The following TEX15 variants were observed in gnomAD, a reference collection of about 807,000 sequenced individuals.
TEX15 encodes testis expressed 15, meiosis and synapsis associated, also known as testis-expressed protein 15.
Under a neutral mutation model 237.3 loss-of-function variants are expected in TEX15, and 171 were observed. The ratio of observed to expected loss-of-function variants is 0.72; its 90% CI spans 0.64 to 0.82. The LOEUF is 0.82. TEX15 is among the 40% of genes least tolerant of loss of function. The probability of loss-of-function intolerance (pLI) is 0.00; values close to 1 mark genes in which losing one functional copy is unlikely to be tolerated. For synonymous variants in TEX15, 1,338 were observed against 1,269.8 expected (o/e 1.05, Z -1.14); for missense variants, 3,750 against 3,646.5 (o/e 1.03, Z -0.73).
chr8:30,895,016 A>C (rs561670929), intron 2 of TEX15, among the ~76,000 whole-genome samples: 1 of 152,266 alleles, frequency 6.6e-6, no homozygotes, highest in African/African-American at 2.4e-5. Context: ...ACTGTGACAA[A>C]GAAATTTCTG....
intron 8 of TEX15, 54 bp downstream of exon 8, chr8:30,841,950 A>T: frequency 7.8e-7 from 1 of 1,290,140 alleles, no homozygotes; most frequent in Non-Finnish European, 1.1e-6. Flanking sequence ...GCTTATGAGT[A>T]GACTTGTTTT....
chr8:30,886,045 A>C (rs7822711), intron 3 of TEX15, among the ~76,000 whole-genome samples: 7,857 of 152,086 alleles, frequency 0.052, 283 homozygotes, highest in Non-Finnish European at 0.082. Context: ...TAGTTCCAAC[A>C]CCTGTGTCAA....
intron 7 of TEX15, among the ~76,000 whole-genome samples, chr8:30,850,849 G>A (rs958539881): frequency 6.6e-6 from 1 of 151,812 alleles, no homozygotes; most frequent in Admixed American, 6.6e-5. Flanking sequence ...CAAAATGCAT[G>A]ATAAACAATA....
intron 8 of TEX15, among the ~76,000 whole-genome samples, chr8:30,840,970 G>C (rs1482343313): frequency 2.6e-5 from 4 of 152,138 alleles, no homozygotes; most frequent in African/African-American, 9.7e-5. Context: ...CCAGCTTGGA[G>C]TACAGTGGTG....
chr8:30,837,265 C>A lies in TEX15; in HGVS notation c.9019G>T (p.Val3007Phe). The A allele has an allele frequency of 6.2e-7, 1 of 1,614,172 alleles. No homozygotes were observed. The highest frequency in any genetic ancestry group is 1.1e-5 in the South Asian group (1 of 91,084). ...TATGTGGCAGCATTCTGCATTAGGACTTTTGAATTTTTGTCATTCTGTTGT... is the reference window on the plus strand; with the variant it reads ...TATGTGGCAGCATTCTGCATTAGGAATTTTGAATTTTTGTCATTCTGTTGT... Reference protein sequence around the residue: ...SEQQNDKNSKVLMQNAATYWN... With the variant: ...SEQQNDKNSKFLMQNAATYWN... Residue 3007 changes from valine (V) to phenylalanine (F), a missense_variant, in exon 10 of 11, where the codon GTC (valine) becomes TTC (phenylalanine). Val to Phe is a conservative substitution (Grantham distance 50). Transcript: ENST00000643185.
Position 30,837,660 on chromosome 8 carries a change from C to T in TEX15, c.8624G>A (p.Cys2875Tyr), listed in dbSNP as rs1807341016. The T allele has an allele frequency of 1.9e-6, 3 of 1,613,854 alleles. No individual in the cohort carries two copies. The East Asian group carries it at 6.7e-5, about 36-fold the overall frequency. ...KNSPDPTQKS[C>Y]LSDINPETDV... is the part of the protein sequence containing the mutation. ...AGTTTCTGGGTTTATATCAGAAAGG[C>T]AGGATTTTTGGGTGGGATCTGGGGA... is the stretch of plus-strand genomic sequence containing the variant. The change falls in exon 10 of 11, where the codon TGC (cysteine) becomes TAC (tyrosine). Residue 2875 changes from cysteine to tyrosine, a missense_variant. Coordinates refer to ENST00000643185, the MANE Select transcript of TEX15 (RefSeq NM_001350162.2).
At chr8:30,902,608 T>G (rs1190279310) in intron 1 of TEX15, among the ~76,000 whole-genome samples, 1 of 152,174 alleles carries the variant, frequency 6.6e-6, no homozygotes, top group Non-Finnish European at 1.5e-5. Context: ...ATATTTATAG[T>G]GAAGTAACAG....
chr8:30,877,371 G>A (rs1170382650), intron 3 of TEX15, among the ~76,000 whole-genome samples: 1 of 152,064 alleles, frequency 6.6e-6, no homozygotes, highest in Non-Finnish European at 1.5e-5. Context: ...GAAGGTTTAA[G>A]GCAACTTCCA....
rs1563237587 is a variant in TEX15, at chr8:30,845,451, A to T, written c.4716T>A (p.Asn1572Lys). The T allele has an allele frequency of 2.5e-6, 4 of 1,612,764 alleles. No individual in the cohort carries two copies. The highest frequency in any genetic ancestry group is 3.4e-6 in the Non-Finnish European group (4 of 1,179,354). ...TAGATAAAAATGCTGTATCAATTTG[A>T]TTTTCTTTTTCTATTAGTTTCTCAT... ...HSDEKLIEKENQIDTAFLSST... is the reference protein window; with the variant it reads ...HSDEKLIEKEKQIDTAFLSST... The change falls in exon 8 of 11, where the codon AAT (asparagine) becomes AAA (lysine). Residue 1572 changes from asparagine to lysine, a missense_variant. Coordinates refer to ENST00000643185, the MANE Select transcript of TEX15 (RefSeq NM_001350162.2).
chr8:30,834,637 A>G (rs1307506382), intron 10 of TEX15, among the ~76,000 whole-genome samples: 1 of 152,194 alleles, frequency 6.6e-6, no homozygotes, highest in Non-Finnish European at 1.5e-5. Flanking sequence ...AAAAAGTACT[A>G]CAGAAGTACG....
chr8:30,892,452 CT>C, intron 2 of TEX15, among the ~76,000 whole-genome samples: 1 of 152,106 alleles, frequency 6.6e-6, no homozygotes, highest in Admixed American at 6.5e-5. Flanking sequence ...CCTCTTTGCA[CT>C]TTTATACACA....
Position 30,842,023 on chromosome 8 carries a change from G to T in TEX15, c.8144C>A (p.Ser2715Tyr). The T allele has an allele frequency of 1.9e-6, 3 of 1,582,526 alleles. No homozygotes were observed. Among genetic ancestry groups the T allele is most frequent in the Non-Finnish European group, 1.7e-6 (2 of 1,169,224 alleles). ...ACATACCTTTAGCTTTTTACAACTG[G>T]AAACAGTAGTATCTTGCTGTTGTTC... The part of the protein sequence containing the change: ...SQEQQQDTTV[S>Y]SCKKLKVDMK... Residue 2715 changes from serine to tyrosine, a missense_variant, in exon 8 of 11, where the codon TCC becomes TAC. Transcript: ENST00000643185.
chr8:30,854,206 AAAAAC>A (rs891242481), intron 7 of TEX15, among the ~76,000 whole-genome samples: 9 of 151,658 alleles, frequency 5.9e-5, no homozygotes, highest in South Asian at 2.1e-4. Flanking sequence ...TGGTTCTTTG[AAAAAC>A]AAAACAAAAC....
chr8:30,851,755 G>A (rs1036978510), intron 7 of TEX15, among the ~76,000 whole-genome samples: 1 of 152,062 alleles, frequency 6.6e-6, no homozygotes, highest in Non-Finnish European at 1.5e-5. Flanking sequence ...TGGCCAACAT[G>A]GTGAAACCCT....
At position 30,837,937 on chromosome 8, in the gene TEX15, G is replaced by A. The variant is rs1463379651; in HGVS notation, c.8347C>T (p.Pro2783Ser). ...MQRSLPGSLLPLENPKDTCAS... is the reference protein window; with the variant it reads ...MQRSLPGSLLSLENPKDTCAS... ...CAAGTGTCTTTTGGGTTCTCTAAGG[G>A]TAAAAGTGAGCCAGGTAGTGATCTT... Residue 2783 changes from proline (P) to serine (S), a missense_variant, in exon 10 of 11, where the codon CCC becomes TCC. By Grantham distance (74) the Pro-to-Ser change is moderately conservative. Transcript: ENST00000643185. 1 of 1,614,130 alleles carries A rather than the reference G, an allele frequency of 6.2e-7. No homozygotes were observed. Among genetic ancestry groups the A allele is most frequent in the East Asian group, 2.2e-5 (1 of 44,870 alleles).
intron 1 of TEX15, among the ~76,000 whole-genome samples, chr8:30,907,319 T>C (rs1486231945): frequency 1.3e-5 from 2 of 152,004 alleles, no homozygotes; most frequent in Non-Finnish European, 2.9e-5. Context: ...CTGGATAATA[T>C]TCAAAATTTG....
rs33984716 is a variant in TEX15, at chr8:30,836,205, GTTTTTTTTTTTTTT to G, written c.9481+584_9481+597del. Among the ~76,000 whole-genome samples the G allele has an allele frequency of 2.3e-4, 10 of 43,278 alleles. 1 individual carries two copies. In the East Asian group the frequency reaches 2.6e-3, roughly 11 times the overall value. 28.4% of individuals were successfully genotyped at this position (43,278 alleles called of 152,430 possible). On this transcript the variant is annotated intron_variant, in intron 10 of 10. Coordinates refer to ENST00000643185, the MANE Select transcript of TEX15 (RefSeq NM_001350162.2). ...TGGTTGCGTCACATTTCACTGTATC[GTTTTTTTTTTTTTT>G]TTTTTTTTTTTTTGAGGTCGAGTCT...
At chr8:30,906,515 G>A (rs1049848603) in intron 1 of TEX15, among the ~76,000 whole-genome samples, 2 of 151,742 alleles carry the variant, frequency 1.3e-5, no homozygotes, top group African/African-American at 2.4e-5. Context: ...ATGTGAACCC[G>A]GGAGGCGGAG....
chr8:30,899,625 A>C (rs567656298), intron 1 of TEX15, among the ~76,000 whole-genome samples: 1 of 152,122 alleles, frequency 6.6e-6, no homozygotes, highest in South Asian at 2.1e-4. Flanking sequence ...TAATTTTTGT[A>C]TTTCTAGTAG....
Sources: gnomAD v4.1 joint callset for allele counts (sites outside exome capture counted in the v4.1 genomes callset) on GRCh38, gnomAD v4.1.1 for gene constraint, MANE v1.5 for transcripts, NCBI Gene and HGNC (gene_info 2026-07-23, HGNC 2026-07-21) for gene names.